The following EAF1 variants were observed in gnomAD, a reference collection of about 807,000 sequenced individuals.
The protein encoded by EAF1 is ELL associated factor 1.
Under a neutral mutation model 26.6 loss-of-function variants are expected in EAF1, and 19 were observed. The ratio of observed to expected loss-of-function variants is 0.71; its 90% CI spans 0.50 to 1.05. The LOEUF (loss-of-function observed/expected upper bound fraction) is 1.05, where lower values mean the gene tolerates loss of function less well. Ranked by LOEUF, EAF1 falls within the 50% of genes least tolerant of loss-of-function variation. EAF1 has a pLI of 0.00. For synonymous variants in EAF1, 102 were observed against 120.6 expected, an observed-to-expected ratio of 0.85 and a Z score of 1.01; for missense variants, 260 against 335.5, an observed-to-expected ratio of 0.78 and a Z score of 1.76.
chr3:15,430,484 C>T (rs900378962), intron 2 of EAF1, among the ~76,000 whole-genome samples: 1 of 150,760 alleles, frequency 6.6e-6, no homozygotes, highest in Non-Finnish European at 1.5e-5. Flanking sequence ...AAAGATTATT[C>T]GTCGTTTTCC....
Position 15,432,209 on chromosome 3 carries a change from G to C in EAF1, c.321G>C (p.Gln107His), listed in dbSNP as rs1434086970. ...TGGAAAAACTCAGTAGCAGCATTCAGGTGAAGAAAACAAGGTATGTGAATA... is the reference window on the plus strand; with the variant it reads ...TGGAAAAACTCAGTAGCAGCATTCACGTGAAGAAAACAAGGTATGTGAATA... ...YVLEKLSSSI[Q>H]VKKTRAEGSS... The change falls in exon 3 of 6, where the codon CAG becomes CAC. Residue 107 changes from glutamine (Q) to histidine (H), a missense_variant. Coordinates refer to ENST00000396842, the MANE Select transcript of EAF1 (RefSeq NM_033083.7). The C allele has an allele frequency of 2.4e-5, 39 of 1,613,942 alleles. No homozygotes were observed. The highest frequency in any genetic ancestry group is 3.0e-5 in the Non-Finnish European group (35 of 1,179,998).
chr3:15,437,480 G>A (rs2061842718), intron 5 of EAF1, among the ~76,000 whole-genome samples: 1 of 151,874 alleles, frequency 6.6e-6, no homozygotes, highest in African/African-American at 2.4e-5. Context: ...TAGAGACAAG[G>A]TCTCACTGTT....
In EAF1 at chr3:15,439,211, T is replaced by G; in HGVS notation, c.*56T>G. The G allele has an allele frequency of 6.3e-7, 1 of 1,575,542 alleles. No individual in the cohort carries two copies. The highest frequency in any genetic ancestry group is 8.7e-7 in the Non-Finnish European group (1 of 1,152,466). On this transcript the variant is annotated 3_prime_UTR_variant, in exon 6 of 6. Transcript: ENST00000396842. ...GCACAAACATGCCGCAAGACTGAGC[T>G]ACTTTGGCGTGGAGTCCATTGCAAG...
rs150360020 is a variant in EAF1 at position 15,432,020 on chromosome 3, A to G, written c.199-67A>G. The G allele has an allele frequency of 4.0e-5, 61 of 1,524,352 alleles. 2 individuals carry two copies. In the African/African-American group the frequency reaches 4.0e-4, roughly 10 times the overall value. 94.4% of individuals were successfully genotyped at this position (1,524,352 alleles called of 1,614,324 possible). On this transcript the variant is annotated intron_variant, in intron 2 of 5. Transcript: ENST00000396842. ...AAGATTTCATCAGGTGGAGTCATCT[A>G]TAAATTCAGTTGATATTCATAACTG...
At chr3:15,436,314 C>G (rs778184743) in intron 4 of EAF1, 28 bp from the exon 5 acceptor site, 1 of 1,557,292 alleles carries the variant, frequency 6.4e-7, no homozygotes, top group South Asian at 1.2e-5. Flanking sequence ...GGCTGCTGTG[C>G]TGATCCATGT....
At chr3:15,435,661 G>C (rs1395710769) in intron 4 of EAF1, among the ~76,000 whole-genome samples, 1 of 152,160 alleles carries the variant, frequency 6.6e-6, no homozygotes, top group Non-Finnish European at 1.5e-5. Context: ...AGTTAACATT[G>C]ATATTTTATA....
chr3:15,428,211 TC>T (rs2061768913), intron 1 of EAF1, among the ~76,000 whole-genome samples: 1 of 26,754 alleles, frequency 3.7e-5, no homozygotes, highest in Non-Finnish European at 7.3e-5. Flanking sequence ...AAGGCAAACC[TC>T]CCCCCTCTTA....
intron 1 of EAF1, 141 bp downstream of exon 1, chr3:15,428,023 C>T (rs1488266001): frequency 1.5e-6 from 1 of 665,920 alleles, no homozygotes; most frequent in Non-Finnish European, 2.6e-6. Flanking sequence ...AACCCCAAAT[C>T]CTTTGGGACA....
intron 5 of EAF1, among the ~76,000 whole-genome samples, chr3:15,437,246 CTT>C (rs71045159): frequency 0.39 from 46,696 of 119,974 alleles, 8,557 homozygotes; most frequent in East Asian, 0.49. Context: ...AGTGTGGTGG[CTT>C]TTTTTTTTTT....
At chr3:15,429,841 A>T in intron 1 of EAF1, 72 bp from the exon 2 acceptor site, 1 of 896,196 alleles carries the variant, frequency 1.1e-6, no homozygotes, top group Non-Finnish European at 1.8e-6. Flanking sequence ...TTTAATTCTT[A>T]AATGGAGATG....
At chr3:15,428,036 G>A (rs1575448143) in intron 1 of EAF1, among the ~76,000 whole-genome samples, 154 bp downstream of exon 1, 1 of 152,042 alleles carries the variant, frequency 6.6e-6, no homozygotes, top group African/African-American at 2.4e-5. Flanking sequence ...TTGGGACATC[G>A]ATTTGTCCCT....
At chr3:15,434,106 A>T (rs1196841887) in intron 3 of EAF1, among the ~76,000 whole-genome samples, 1 of 152,222 alleles carries the variant, frequency 6.6e-6, no homozygotes, top group Non-Finnish European at 1.5e-5. Flanking sequence ...ATTTGAGCTC[A>T]TCGAGGGCAG....
chr3:15,428,926 A>G (rs897702502), intron 1 of EAF1, among the ~76,000 whole-genome samples: 4 of 152,262 alleles, frequency 2.6e-5, no homozygotes, highest in African/African-American at 7.2e-5. Flanking sequence ...TCCTACTGAC[A>G]GCAGATCCAG....
intron 4 of EAF1, among the ~76,000 whole-genome samples, chr3:15,435,778 C>T (rs2061830933): frequency 6.6e-6 from 1 of 152,164 alleles, no homozygotes; most frequent in Non-Finnish European, 1.5e-5. Context: ...CATGGTTCTT[C>T]CTGCAAACCT....
chr3:15,428,927 G>T (rs2061778728), intron 1 of EAF1, among the ~76,000 whole-genome samples: 1 of 152,236 alleles, frequency 6.6e-6, no homozygotes, highest in East Asian at 1.9e-4. Context: ...CCTACTGACA[G>T]CAGATCCAGC....
In EAF1 at chr3:15,440,678, G is replaced by T. The variant is rs953047772; in HGVS notation, c.*1523G>T. On this transcript the variant is annotated 3_prime_UTR_variant, in exon 6 of 6. Transcript: ENST00000396842. ...GTTTCATCATCATAGTGAGCCCAGA[G>T]AGCCACTGCCCAGCAGCATGCTCAC... The T allele has an allele frequency of 6.6e-5, 10 of 152,646 alleles. No homozygotes were observed. 9.5% of individuals were successfully genotyped at this position (152,646 alleles called of 1,614,324 possible).
rs564334707 is a variant in EAF1 at position 15,436,158 on chromosome 3, A to T, written c.527-184A>T. On this transcript the variant is annotated intron_variant, in intron 4 of 5. Coordinates refer to ENST00000396842, the MANE Select transcript of EAF1 (RefSeq NM_033083.7). ...TTTAATGTTTCCATTGTGTCTCTGG[A>T]AACAGGCTGTGTTTTTGTTTTGGTA... is the stretch of plus-strand genomic sequence containing the variant. 8.8e-6 allele frequency: 4 copies of T among 453,130 alleles called. No individual in the cohort carries two copies. The South Asian group carries it at 2.0e-4, about 23-fold the overall frequency. The allele number at this position is 453,130 out of a possible 1,614,324, so 28.1% of individuals were successfully genotyped here.
At position 15,434,504 on chromosome 3, in the gene EAF1, C is replaced by G. The variant is rs1563415; in HGVS notation, c.492C>G (p.Pro164=). Residue 164 remains proline, a synonymous_variant, in exon 4 of 6, where the codon CCC becomes CCG. Coordinates refer to ENST00000396842, the MANE Select transcript of EAF1 (RefSeq NM_033083.7). ...AAACTTCTCCCTTGAAAGATAACCC[C>G]TCACCTGAACCTCAGTTGGATGACA... ...GPKTSPLKDN[P]SPEPQLDDIK... is the part of the protein sequence containing the mutation. 0.26 allele frequency: 416,348 copies of G among 1,613,998 alleles called. 56,434 individuals carry two copies. The highest frequency in any genetic ancestry group is 0.33 in the East Asian group (14,814 of 44,878).
chr3:15,432,573 A>G (rs904306935), intron 3 of EAF1, among the ~76,000 whole-genome samples: 3 of 152,186 alleles, frequency 2.0e-5, no homozygotes, highest in African/African-American at 7.2e-5. Flanking sequence ...TATATACTAT[A>G]CTTAACTGGA....
Sources: gnomAD v4.1 joint callset for allele counts (sites outside exome capture counted in the v4.1 genomes callset) on GRCh38, gnomAD v4.1.1 for gene constraint, MANE v1.5 for transcripts, NCBI Gene and HGNC (gene_info 2026-07-23, HGNC 2026-07-21) for gene names.